The following CPEB2 variants were observed in gnomAD, a reference collection of about 807,000 sequenced individuals.
CPEB2 encodes cytoplasmic polyadenylation element binding protein 2, also known as cytoplasmic polyadenylation element-binding protein 2.
CPEB2 carries 56 observed loss-of-function variants against 93.6 expected under a neutral mutation model. That is an observed-to-expected ratio of 0.60 (90% CI 0.48 to 0.75). The LOEUF is 0.75. CPEB2 is among the 30% of genes least tolerant of loss of function. The pLI, the probability that CPEB2 is intolerant of heterozygous loss-of-function variation, is 0.00. For missense variants in CPEB2, 1,579 were observed against 1,395.1 expected, an observed-to-expected ratio of 1.13 and a Z score of -2.10; for synonymous variants, 764 against 586.3, an observed-to-expected ratio of 1.30 and a Z score of -4.38.
In CPEB2 at chr4:15,003,254, A is replaced by AGCCGCT. The variant is rs1722233074; in HGVS notation, c.586_587insTGCCGC (p.Pro195_Pro196insLeuPro). Reference sequence around the variant, plus strand: ...CACCTTCCCCACCCTCCGGACTCGAAGCCGCCGCCGCCGCCTCCGCCGCTC... The same window carrying AGCCGCT: ...CACCTTCCCCACCCTCCGGACTCGAAGCCGCTGCCGCCGCCGCCGCCTCCGCCGCTC... On this transcript the variant is annotated inframe_insertion, in exon 1 of 12. Coordinates refer to ENST00000538197, the MANE Select transcript of CPEB2 (RefSeq NM_001177382.2). 1 of 1,520,970 alleles carries AGCCGCT rather than the reference A, an allele frequency of 6.6e-7. No individual in the cohort carries two copies. Among genetic ancestry groups the AGCCGCT allele is most frequent in the East Asian group, 2.6e-5 (1 of 38,790 alleles). The allele number at this position is 1,520,970 out of a possible 1,614,324, so 94.2% of individuals were successfully genotyped here.
chr4:15,004,999 G>C (rs866517165), intron 1 of CPEB2: 1 of 152,026 alleles, frequency 6.6e-6, no homozygotes, highest in African/African-American at 2.4e-5. Context: ...TCAGCCCCTC[G>C]GGCGGTCAGT....
At chr4:15,040,686 A>G (rs1727086439) in intron 6 of CPEB2, among the ~76,000 whole-genome samples, 199 bp downstream of exon 6, 1 of 152,194 alleles carries the variant, frequency 6.6e-6, no homozygotes, top group Admixed American at 6.5e-5. Context: ...TGGTTATTTA[A>G]TAAATTTTCC....
chr4:15,024,312 C>T (rs935807645), intron 4 of CPEB2, among the ~76,000 whole-genome samples: 1 of 151,928 alleles, frequency 6.6e-6, no homozygotes, highest in Non-Finnish European at 1.5e-5. Flanking sequence ...CCTGTATTAC[C>T]TTCCTGCTAA....
intron 3 of CPEB2, among the ~76,000 whole-genome samples, chr4:15,015,345 G>A (rs2108981646): frequency 6.6e-6 from 1 of 152,130 alleles, no homozygotes; most frequent in East Asian, 1.9e-4. Flanking sequence ...TGATGCATGT[G>A]TTTTACCTCA....
In CPEB2 at chr4:15,028,983, A is replaced by T. The variant is rs542870120; in HGVS notation, c.2126-4178A>T. ...AGTAAGGCTTTTTTATACAGTTGTC[A>T]CTTGGTAACCACTGGGGCTAGTTCC... is the stretch of plus-strand genomic sequence containing the variant. On this transcript the variant is annotated intron_variant, in intron 4 of 11. Coordinates refer to ENST00000538197, the MANE Select transcript of CPEB2 (RefSeq NM_001177382.2). Among the ~76,000 whole-genome samples the T allele has an allele frequency of 9.9e-5, 15 of 152,246 alleles. No individual in the cohort carries two copies. In the South Asian group the frequency reaches 3.1e-3, roughly 32 times the overall value.
chr4:15,006,590 A>T (rs1418389556), intron 1 of CPEB2: 4 of 152,228 alleles, frequency 2.6e-5, no homozygotes, highest in African/African-American at 9.6e-5. Flanking sequence ...TAATCAAAGC[A>T]TATAGTTAAT....
At chr4:15,012,144 C>G (rs115175998) in intron 3 of CPEB2, among the ~76,000 whole-genome samples, 195 of 152,320 alleles carry the variant, frequency 1.3e-3, no homozygotes, top group Admixed American at 4.0e-3. Flanking sequence ...AGATGAACTT[C>G]AGGGACATTC....
At chr4:15,040,327 T>G in intron 5 of CPEB2, 137 bp from the exon 6 acceptor site, 6 of 677,270 alleles carry the variant, frequency 8.9e-6, no homozygotes, top group Non-Finnish European at 1.5e-5. Flanking sequence ...TCTTATATGG[T>G]GACATTGTCA....
chr4:15,055,015 A>G (rs961041026), intron 8 of CPEB2, among the ~76,000 whole-genome samples: 3 of 152,218 alleles, frequency 2.0e-5, no homozygotes, highest in Non-Finnish European at 2.9e-5. Context: ...AAAGACCCCA[A>G]TAGAACTGTT....
chr4:15,025,080 G>T (rs775880133), intron 4 of CPEB2, among the ~76,000 whole-genome samples: 4 of 151,890 alleles, frequency 2.6e-5, no homozygotes, highest in Admixed American at 1.3e-4. Context: ...TGGAATTCCT[G>T]TTCCTCAAAT....
intron 11 of CPEB2, among the ~76,000 whole-genome samples, chr4:15,064,306 G>A (rs1729481748): frequency 6.6e-6 from 1 of 152,050 alleles, no homozygotes; most frequent in Non-Finnish European, 1.5e-5. Context: ...GCATATAGAA[G>A]AGTTTAATTA....
chr4:15,004,743 G>C (rs959772209), intron 1 of CPEB2, among the ~76,000 whole-genome samples: 6 of 151,788 alleles, frequency 4.0e-5, no homozygotes, highest in Non-Finnish European at 7.4e-5. Flanking sequence ...CCCTGGGCCT[G>C]GAGGGCCGCC....
chr4:15,025,757 G>A (rs1315694126), intron 4 of CPEB2, among the ~76,000 whole-genome samples: 1 of 151,908 alleles, frequency 6.6e-6, no homozygotes, highest in African/African-American at 2.4e-5. Context: ...ACCTATCCAG[G>A]TGTGTACTAC....
intron 4 of CPEB2, among the ~76,000 whole-genome samples, chr4:15,018,700 A>G (rs1373305897): frequency 6.6e-6 from 1 of 150,838 alleles, no homozygotes; most frequent in African/African-American, 2.4e-5. Flanking sequence ...ATACAAGATA[A>G]AGTCAAGATT....
rs936179226 is a variant in CPEB2, at chr4:15,068,769, T to G, written c.*2389T>G. ...CTTAAACAGAAATAAATATTTGGAA[T>G]GAAGGGGAATGTACTAGAACACCCT... is the stretch of plus-strand genomic sequence containing the variant. On this transcript the variant is annotated 3_prime_UTR_variant, in exon 12 of 12. Coordinates refer to ENST00000538197, the MANE Select transcript of CPEB2 (RefSeq NM_001177382.2). 2.0e-5 allele frequency: 3 copies of G among 152,226 alleles called. No homozygotes were observed. The highest frequency in any genetic ancestry group is 4.4e-5 in the Non-Finnish European group (3 of 67,800). 9.4% of individuals were successfully genotyped at this position (152,226 alleles called of 1,614,324 possible).
intron 7 of CPEB2, among the ~76,000 whole-genome samples, chr4:15,053,023 ATTT>A (rs886799897): frequency 1.4e-5 from 2 of 141,984 alleles, no homozygotes; most frequent in African/African-American, 5.5e-5. Context: ...TTATTTATTT[ATTT>A]TTTTTTTTGA....
At chr4:15,061,420 A>C (rs1334265977) in intron 10 of CPEB2, among the ~76,000 whole-genome samples, 1 of 152,044 alleles carries the variant, frequency 6.6e-6, no homozygotes, top group Non-Finnish European at 1.5e-5. Context: ...AGATGGAGAA[A>C]ATATTTGAAT....
At chr4:15,045,665 AG>A (rs1727602040) in intron 6 of CPEB2, among the ~76,000 whole-genome samples, 2 of 152,148 alleles carry the variant, frequency 1.3e-5, no homozygotes, top group African/African-American at 4.8e-5. Context: ...TTTTGAGTAT[AG>A]GGTTTGCAAA....
intron 6 of CPEB2, among the ~76,000 whole-genome samples, chr4:15,048,359 G>T (rs552867513): frequency 6.6e-6 from 1 of 151,700 alleles, no homozygotes; most frequent in Non-Finnish European, 1.5e-5. Context: ...TTTCTCTGTC[G>T]GAAGATTTTT....
Sources: allele counts gnomAD v4.1 joint callset (sites outside exome capture counted in the v4.1 genomes callset), GRCh38; gene constraint gnomAD v4.1.1; transcripts MANE v1.5; gene names NCBI Gene and HGNC (gene_info 2026-07-23, HGNC 2026-07-21).